MSR1: variants seen among roughly 807,000 people sequenced by gnomAD.
The protein encoded by MSR1 is macrophage scavenger receptor 1.
Under a neutral mutation model 47.2 loss-of-function variants are expected in MSR1, and 53 were observed. The ratio of observed to expected loss-of-function variants is 1.12; its 90% CI spans 0.90 to 1.41. The LOEUF (loss-of-function observed/expected upper bound fraction) is 1.41. MSR1 is among the 40% of genes most tolerant of loss of function. MSR1 has a pLI of 0.00. For missense variants in MSR1, 786 were observed against 546.9 expected (o/e 1.44, Z -4.36); for synonymous variants, 239 against 185.6 (o/e 1.29, Z -2.34).
At chr8:16,190,723 C>CTTTTTTTTTTTTTTTTT (rs772816603) in intron 1 of MSR1, among the ~76,000 whole-genome samples, 5 of 145,354 alleles carry the variant, frequency 3.4e-5, no homozygotes, top group African/African-American at 1.3e-4. Context: ...TTTTTTCTTT[C>CTTTTTTTTTTTTTTTTT]TTTCTTTTTG....
At chr8:16,160,214 G>C (rs1035243757) in intron 5 of MSR1, among the ~76,000 whole-genome samples, 5 of 148,642 alleles carry the variant, frequency 3.4e-5, no homozygotes, top group Non-Finnish European at 7.4e-5. Context: ...TGCAACTCTG[G>C]CAAAGAGTCA....
Position 16,168,795 on chromosome 8 carries a change from G to T in MSR1, c.293C>A (p.Thr98Lys), listed in dbSNP as rs569058358. 2 of 1,613,706 alleles carry T rather than the reference G, an allele frequency of 1.2e-6. No individual in the cohort carries two copies. Among genetic ancestry groups the T allele is most frequent in the South Asian group, 1.1e-5 (1 of 91,066 alleles). Residue 98 changes from threonine (T) to lysine (K), a missense_variant, in exon 4 of 10, where the codon ACG becomes AAG. Thr to Lys is a moderately conservative substitution (Grantham distance 78). Coordinates refer to ENST00000262101, the MANE Select transcript of MSR1 (RefSeq NM_138715.3). ...CTCTTCGCTGTCATTTCCTTTTCCC[G>T]TGAGACTTTGAGTTATATCATTTGC... ...TNANDITQSLTGKGNDSEEEM... is the reference protein window; with the variant it reads ...TNANDITQSLKGKGNDSEEEM...
At chr8:16,145,923 T>C (rs2117120253) in intron 7 of MSR1, among the ~76,000 whole-genome samples, 1 of 152,288 alleles carries the variant, frequency 6.6e-6, no homozygotes, top group East Asian at 1.9e-4. Flanking sequence ...CTATCCTATG[T>C]ATTACTCTTT....
chr8:16,168,343 G>C (rs977209073), intron 4 of MSR1, 115 bp downstream of exon 4: 1 of 1,004,796 alleles, frequency 1.0e-6, no homozygotes, highest in Middle Eastern at 2.1e-4. Flanking sequence ...AGAAATCAGG[G>C]TAAACAGGAT....
At chr8:16,176,245 G>A (rs34725784) in intron 2 of MSR1, among the ~76,000 whole-genome samples, 91 of 152,210 alleles carry the variant, frequency 6.0e-4, no homozygotes, top group African/African-American at 2.2e-3. Context: ...AGTGGCTCAC[G>A]CCTGTAATCC....
Position 16,177,779 on chromosome 8 carries a change from A to T in MSR1, c.103+107T>A, listed in dbSNP as rs951286894. The T allele has an allele frequency of 4.6e-6, 4 of 862,948 alleles. No homozygotes were observed. The East Asian group carries it at 1.1e-4, about 23-fold the overall frequency. The allele number at this position is 862,948 out of a possible 1,614,324, so 53.5% of individuals were successfully genotyped here. ...TACCCCTGTTGGTCAAATAAGTATTATTTTAACATCCACTTACATTTAAGG... is the reference window on the plus strand; with the variant it reads ...TACCCCTGTTGGTCAAATAAGTATTTTTTTAACATCCACTTACATTTAAGG... On this transcript the variant is annotated intron_variant, in intron 2 of 9. Coordinates refer to ENST00000262101, the MANE Select transcript of MSR1 (RefSeq NM_138715.3).
intron 1 of MSR1, among the ~76,000 whole-genome samples, chr8:16,179,400 A>C (rs951955984): frequency 6.6e-6 from 1 of 152,196 alleles, no homozygotes; most frequent in East Asian, 1.9e-4. Context: ...GTCCATATCA[A>C]CATAGGATTC....
chr8:16,122,940 G>C (rs987054935), intron 8 of MSR1, among the ~76,000 whole-genome samples: 1 of 147,918 alleles, frequency 6.8e-6, no homozygotes, highest in Non-Finnish European at 1.5e-5. Context: ...CACCTCCCGG[G>C]TTCAAGCCAT....
intron 8 of MSR1, among the ~76,000 whole-genome samples, chr8:16,131,991 C>A (rs1297188492): frequency 1.4e-5 from 2 of 147,590 alleles, no homozygotes; most frequent in Non-Finnish European, 3.0e-5. Context: ...ATACACTTTA[C>A]AATAGGGTTT....
chr8:16,113,279 T>C (rs1441130409), intron 9 of MSR1, among the ~76,000 whole-genome samples: 4 of 152,058 alleles, frequency 2.6e-5, no homozygotes, highest in Non-Finnish European at 5.9e-5. Flanking sequence ...AAATGAAAGA[T>C]ACTGATATTT....
intron 1 of MSR1, 54 bp from the exon 2 acceptor site, chr8:16,178,046 T>C (rs1801708452): frequency 7.3e-7 from 1 of 1,362,758 alleles, no homozygotes; most frequent in Non-Finnish European, 1.0e-6. Flanking sequence ...GCTAGGGCTC[T>C]TTTGCATAAT....
At chr8:16,128,009 A>T (rs17677251) in intron 8 of MSR1, among the ~76,000 whole-genome samples, 6,724 of 152,268 alleles carry the variant, frequency 0.044, 244 homozygotes, top group East Asian at 0.13. Flanking sequence ...GTAAAAGAAC[A>T]TCACTGAAAT....
At chr8:16,110,805 C>A (rs1011503856) in intron 9 of MSR1, among the ~76,000 whole-genome samples, 1 of 152,178 alleles carries the variant, frequency 6.6e-6, no homozygotes, top group East Asian at 1.9e-4. Flanking sequence ...GTAAGGAAAT[C>A]ATGGATTAAG....
chr8:16,118,769 AT>A (rs1303137936), intron 9 of MSR1, among the ~76,000 whole-genome samples: 2 of 152,214 alleles, frequency 1.3e-5, no homozygotes, highest in African/African-American at 4.8e-5. Flanking sequence ...TGATGGCATC[AT>A]TCAATTCTCT....
At chr8:16,159,118 C>T (rs1411603383) in intron 5 of MSR1, among the ~76,000 whole-genome samples, 1 of 151,336 alleles carries the variant, frequency 6.6e-6, no homozygotes, top group East Asian at 1.9e-4. Flanking sequence ...CCAGCTGTTA[C>T]AATCTCAGTA....
intron 1 of MSR1, among the ~76,000 whole-genome samples, chr8:16,180,401 G>T (rs1445042036): frequency 6.6e-6 from 1 of 152,118 alleles, no homozygotes; most frequent in Non-Finnish European, 1.5e-5. Context: ...TGGGGTGGGG[G>T]CTCAAGAATT....
chr8:16,126,774 C>T (rs1800138816), intron 8 of MSR1, among the ~76,000 whole-genome samples: 1 of 152,102 alleles, frequency 6.6e-6, no homozygotes, highest in South Asian at 2.1e-4. Flanking sequence ...CTAGGCTGGT[C>T]TCCAACTCCT....
At chr8:16,167,863 C>T (rs1801360036) in intron 4 of MSR1, among the ~76,000 whole-genome samples, 1 of 152,078 alleles carries the variant, frequency 6.6e-6, no homozygotes, top group Admixed American at 6.5e-5. Flanking sequence ...CTTTGATATC[C>T]CAATACCCTT....
intron 3 of MSR1, among the ~76,000 whole-genome samples, chr8:16,169,325 A>T (rs1354216619): frequency 6.6e-6 from 1 of 152,186 alleles, no homozygotes; most frequent in Non-Finnish European, 1.5e-5. Flanking sequence ...ATAAGTGGTG[A>T]AATAGTGGTG....
Sources: gnomAD v4.1 joint callset for allele counts (sites outside exome capture counted in the v4.1 genomes callset) on GRCh38, gnomAD v4.1.1 for gene constraint, MANE v1.5 for transcripts, NCBI Gene and HGNC (gene_info 2026-07-23, HGNC 2026-07-21) for gene names.